The following EPHA6 variants were observed in gnomAD, a reference collection of about 807,000 sequenced individuals.
EPHA6 encodes the protein ephrin type-A receptor 6.
Under a neutral mutation model 112.0 loss-of-function variants are expected in EPHA6, and 50 were observed. That is an observed-to-expected ratio of 0.45 (90% CI 0.36 to 0.56). The LOEUF (loss-of-function observed/expected upper bound fraction) is 0.56. Ranked by LOEUF, EPHA6 falls within the 20% of genes least tolerant of loss-of-function variation. The pLI is 0.00. For missense variants in EPHA6, 1,280 were observed against 1,417.4 expected, an observed-to-expected ratio of 0.90 and a Z score of 1.56; for synonymous variants, 529 against 490.7, an observed-to-expected ratio of 1.08 and a Z score of -1.03.
At chr3:96,874,721 G>A (rs2036842711) in intron 2 of EPHA6, among the ~76,000 whole-genome samples, 1 of 152,082 alleles carries the variant, frequency 6.6e-6, no homozygotes, top group Admixed American at 6.6e-5. Context: ...CACCTCTCAT[G>A]GGGATTTCCA....
At chr3:97,665,690 C>T (rs1470186396) in intron 14 of EPHA6, among the ~76,000 whole-genome samples, 1 of 152,176 alleles carries the variant, frequency 6.6e-6, no homozygotes, top group Non-Finnish European at 1.5e-5. Flanking sequence ...TTATCTAACT[C>T]ATCAATACAC....
intron 2 of EPHA6, among the ~76,000 whole-genome samples, chr3:96,962,810 C>T (rs983606522): frequency 2.0e-5 from 3 of 151,538 alleles, no homozygotes; most frequent in African/African-American, 7.3e-5. Context: ...TAGTAGTTTA[C>T]CAAAGACAAA....
chr3:97,333,301 A>G (rs1412447693), intron 5 of EPHA6, among the ~76,000 whole-genome samples: 1 of 152,012 alleles, frequency 6.6e-6, no homozygotes, highest in East Asian at 1.9e-4. Context: ...ATTGATTTTT[A>G]TGTGTTGATC....
chr3:97,419,063 G>A (rs1323549034), intron 6 of EPHA6, among the ~76,000 whole-genome samples: 1 of 152,134 alleles, frequency 6.6e-6, no homozygotes, highest in African/African-American at 2.4e-5. Context: ...CCAGCACTTT[G>A]GCAAGCCAAG....
chr3:97,116,377 T>C (rs571595101), intron 3 of EPHA6, among the ~76,000 whole-genome samples: 3 of 151,778 alleles, frequency 2.0e-5, no homozygotes, highest in Admixed American at 6.6e-5. Context: ...ATACTTAAGA[T>C]CTACTCTAAG....
At chr3:96,967,821 C>T (rs989173082) in intron 2 of EPHA6, among the ~76,000 whole-genome samples, 1 of 151,718 alleles carries the variant, frequency 6.6e-6, no homozygotes, top group Non-Finnish European at 1.5e-5. Context: ...ACTTGATGTT[C>T]TTGAAGGAAC....
intron 3 of EPHA6, among the ~76,000 whole-genome samples, chr3:97,060,062 A>C (rs2045970204): frequency 6.6e-6 from 1 of 151,942 alleles, no homozygotes; most frequent in Non-Finnish European, 1.5e-5. Flanking sequence ...CAGAGGTTGC[A>C]GTGAGCCGAG....
chr3:96,815,091 TA>T (rs1286597760), intron 1 of EPHA6, 83 bp downstream of exon 1: 1 of 1,343,260 alleles, frequency 7.4e-7, no homozygotes, highest in Non-Finnish European at 9.9e-7. Context: ...CTCCTGCAGG[TA>T]ACTTTGTACA....
Position 97,720,267 on chromosome 3 carries a change from A to G in EPHA6, c.2791A>G (p.Lys931Glu). 1 of 1,580,576 alleles carries G rather than the reference A, an allele frequency of 6.3e-7. No homozygotes were observed. The highest frequency in any genetic ancestry group is 8.6e-7 in the Non-Finnish European group (1 of 1,166,184). Residue 931 changes from lysine to glutamate, a missense_variant, in exon 15 of 18, where the codon AAA becomes GAA. This residue lies in a region of EPHA6 where 878 missense variants were observed against 999.7 expected (regional missense o/e 0.88). Transcript: ENST00000389672. ...TCTCCAATTTGTTTTCCAGGGTGGA[A>G]AAATCCCCATAAGGTGGACAGCCCC... ...PEAAYTTTGG[K>E]IPIRWTAPEA... is the part of the protein sequence containing the mutation.
At chr3:96,893,515 G>A (rs1345642504) in intron 2 of EPHA6, among the ~76,000 whole-genome samples, 1 of 152,164 alleles carries the variant, frequency 6.6e-6, no homozygotes, top group Non-Finnish European at 1.5e-5. Context: ...AAGTGATTAA[G>A]GATTATTTAG....
At chr3:97,182,809 T>C (rs2077026768) in intron 3 of EPHA6, among the ~76,000 whole-genome samples, 1 of 152,128 alleles carries the variant, frequency 6.6e-6, no homozygotes, top group Non-Finnish European at 1.5e-5. Context: ...CAGTATGTTT[T>C]AAATAAGAAA....
In EPHA6 at chr3:97,557,954, C is replaced by T. The variant is rs187748711; in HGVS notation, c.2386+25411C>T. Among the ~76,000 whole-genome samples, 493 of 152,050 alleles carry T rather than the reference C, an allele frequency of 3.2e-3. 2 individuals are homozygous for T. The highest frequency in any genetic ancestry group is 0.011 in the African/African-American group (459 of 41,510). On this transcript the variant is annotated intron_variant, in intron 11 of 17. Transcript: ENST00000389672. ...GCTATATTTGCTTTCAAGGAGCCAC[C>T]TGCTCTGGTGGTTCAGCTCAGTCTC... is the stretch of plus-strand genomic sequence containing the variant.
chr3:97,138,404 G>C (rs1204245634), intron 3 of EPHA6, among the ~76,000 whole-genome samples: 1 of 152,130 alleles, frequency 6.6e-6, no homozygotes, highest in African/African-American at 2.4e-5. Context: ...CTCAAAGACA[G>C]CTTCTACTCC....
rs540992359 is a variant in EPHA6 at position 96,815,209 on chromosome 3, T to C, written c.385+201T>C. Among the ~76,000 whole-genome samples, 4 of 152,174 alleles carry C rather than the reference T, an allele frequency of 2.6e-5. No individual in the cohort carries two copies. The East Asian group carries it at 5.8e-4, about 22-fold the overall frequency. On this transcript the variant is annotated intron_variant, in intron 1 of 17. Transcript: ENST00000389672. Reference sequence around the variant, plus strand: ...CGGTGACTCCACAGGCTAGGATCCGTTGTGTTTCTAAATGTCTTTAAACGG... The same window carrying C: ...CGGTGACTCCACAGGCTAGGATCCGCTGTGTTTCTAAATGTCTTTAAACGG...
intron 3 of EPHA6, among the ~76,000 whole-genome samples, chr3:97,187,721 G>A (rs1403616485): frequency 1.4e-5 from 2 of 147,636 alleles, no homozygotes; most frequent in Admixed American, 6.8e-5. Flanking sequence ...AAGAAAGAAA[G>A]AAAGAAAGAA....
At chr3:96,824,000 A>G (rs2033473263) in intron 1 of EPHA6, among the ~76,000 whole-genome samples, 2 of 151,860 alleles carry the variant, frequency 1.3e-5, no homozygotes, top group Non-Finnish European at 3.0e-5. Context: ...AGGTACTTAT[A>G]GTATGATAAC....
At chr3:97,088,470 A>C (rs2046970280) in intron 3 of EPHA6, among the ~76,000 whole-genome samples, 1 of 152,240 alleles carries the variant, frequency 6.6e-6, no homozygotes, top group Non-Finnish European at 1.5e-5. Context: ...TGGTCCCTCA[A>C]GTCTGTGGGT....
intron 3 of EPHA6, among the ~76,000 whole-genome samples, chr3:97,215,533 C>T (rs534881963): frequency 6.6e-6 from 1 of 152,000 alleles, no homozygotes; most frequent in South Asian, 2.1e-4. Flanking sequence ...ATTGCTTGAA[C>T]CCGGGAGGCG....
rs1237849102 is a variant in EPHA6, at chr3:97,716,550, G to A, written c.2785-3711G>A. Reference sequence around the variant, plus strand: ...GCCACTGCAGTCCGCAGTCCGGCCCGGGCGACAGAGCGAGACTCCGTCTCA... The same window carrying A: ...GCCACTGCAGTCCGCAGTCCGGCCCAGGCGACAGAGCGAGACTCCGTCTCA... On this transcript the variant is annotated intron_variant, in intron 14 of 17. Coordinates refer to ENST00000389672, the MANE Select transcript of EPHA6 (RefSeq NM_001080448.3). 1.3e-4 allele frequency among the ~76,000 whole-genome samples: 16 copies of A among 121,060 alleles called. 1 individual carries two copies. The highest frequency in any genetic ancestry group is 2.0e-4 in the Non-Finnish European group (13 of 65,234). The allele number at this position is 121,060 out of a possible 152,430, so 79.4% of individuals were successfully genotyped here.
Sources: gnomAD v4.1 joint callset for allele counts (sites outside exome capture counted in the v4.1 genomes callset) on GRCh38, gnomAD v4.1.1 for gene constraint, gnomAD v4.1.1 regional missense constraint, MANE v1.5 for transcripts, NCBI Gene and HGNC (gene_info 2026-07-23, HGNC 2026-07-21) for gene names.